ATAD5: variants seen among roughly 807,000 people sequenced by gnomAD.
ATAD5 encodes ATPase family AAA domain-containing protein 5.
A neutral mutation model predicts 176.9 loss-of-function variants in ATAD5; 58 were observed. The observed-to-expected ratio is 0.33, with a 90% confidence interval of 0.27 to 0.41. The LOEUF is 0.41. ATAD5 is among the 10% of genes least tolerant of loss of function. The pLI, the probability that ATAD5 is intolerant of heterozygous loss-of-function variation, is 1.00. For missense variants in ATAD5, 1,789 were observed against 2,094.1 expected, an observed-to-expected ratio of 0.85 and a Z score of 2.84; for synonymous variants, 640 against 712.6, an observed-to-expected ratio of 0.90 and a Z score of 1.62.
At chr17:30,851,713 G>T (rs1906983589) in intron 6 of ATAD5, among the ~76,000 whole-genome samples, 1 of 152,050 alleles carries the variant, frequency 6.6e-6, no homozygotes, top group Non-Finnish European at 1.5e-5. Context: ...CTCCCAAGTA[G>T]CTGGGATTAC....
At chr17:30,875,349 A>G (rs775187706) in intron 14 of ATAD5, among the ~76,000 whole-genome samples, 2 of 152,176 alleles carry the variant, frequency 1.3e-5, no homozygotes, top group Non-Finnish European at 2.9e-5. Flanking sequence ...ATTGGCTTGC[A>G]ATATTAATTT....
At chr17:30,890,145 T>A (rs568214416) in intron 19 of ATAD5, among the ~76,000 whole-genome samples, 74 of 152,128 alleles carry the variant, frequency 4.9e-4, no homozygotes, top group Middle Eastern at 3.4e-3. Context: ...CCTCTTGGGC[T>A]CCCAAAGTGC....
intron 18 of ATAD5, among the ~76,000 whole-genome samples, chr17:30,885,636 T>TTTG (rs1714000536): frequency 7.2e-6 from 1 of 138,100 alleles, no homozygotes; most frequent in African/African-American, 2.7e-5. Context: ...TTTTTTTTTT[T>TTTG]TTTTTTTTTT....
At chr17:30,833,381 T>TA (rs375286351) in intron 1 of ATAD5, among the ~76,000 whole-genome samples, 121 of 152,346 alleles carry the variant, frequency 7.9e-4, no homozygotes, top group African/African-American at 2.8e-3. Flanking sequence ...TAATGATACT[T>TA]ACCATTTAAT....
chr17:30,856,997 TAACTA>T lies in ATAD5; in HGVS notation c.2681_2685del (p.Thr894IlefsTer2). 6.2e-7 allele frequency: 1 copy of T among 1,606,126 alleles called. No individual in the cohort carries two copies. Among genetic ancestry groups the T allele is most frequent in the Non-Finnish European group, 8.5e-7 (1 of 1,178,310 alleles). On this transcript the variant is annotated frameshift_variant, in exon 8 of 23. Coordinates refer to ENST00000321990, the MANE Select transcript of ATAD5 (RefSeq NM_024857.5). LOFTEE classifies it high-confidence loss of function. ...TTGAAACCACCCTCTTGTCCTCTCTTAACTAAATTTAAAGAACTGAACACTAAAGT... is the reference window on the plus strand; with the variant it reads ...TTGAAACCACCCTCTTGTCCTCTCTTAATTTAAAGAACTGAACACTAAAGT...
intron 18 of ATAD5, among the ~76,000 whole-genome samples, chr17:30,883,086 C>T (rs1909116522): frequency 6.6e-6 from 1 of 151,618 alleles, no homozygotes; most frequent in Admixed American, 6.6e-5. Flanking sequence ...GGCTAGACCC[C>T]ATCTCTACTT....
At chr17:30,851,140 C>T (rs1324876868) in intron 6 of ATAD5, among the ~76,000 whole-genome samples, 24 of 146,262 alleles carry the variant, frequency 1.6e-4, no homozygotes, top group Admixed American at 9.5e-4. Context: ...CCACCTGCCT[C>T]GGCCTCCCAA....
At chr17:30,840,008 G>T (rs1315548133) in intron 3 of ATAD5, among the ~76,000 whole-genome samples, 2 of 151,922 alleles carry the variant, frequency 1.3e-5, no homozygotes, top group African/African-American at 4.8e-5. Flanking sequence ...AGACCAGCCT[G>T]GCCAACATGG....
Position 30,835,676 on chromosome 17 carries a change from C to A in ATAD5, c.1595C>A (p.Thr532Asn), listed in dbSNP as rs149140753. The A allele has an allele frequency of 1.5e-4, 237 of 1,606,546 alleles. No homozygotes were observed. Among genetic ancestry groups the A allele is most frequent in the Admixed American group, 1.3e-3 (75 of 58,132 alleles). ...AAAACAGAGTTTTTCAAAAGCAGCA[C>A]TTTATTTAACAATGAAAGTCTTGTT... ...QRKTEFFKSSTLFNNESLVYE... is the reference protein window; with the variant it reads ...QRKTEFFKSSNLFNNESLVYE... Residue 532 changes from threonine to asparagine, a missense_variant, in exon 2 of 23, where the codon ACT becomes AAT. Transcript: ENST00000321990.
intron 12 of ATAD5, 73 bp downstream of exon 12, chr17:30,868,485 T>C (rs1908129781): frequency 3.0e-6 from 3 of 984,872 alleles, no homozygotes; most frequent in African/African-American, 1.7e-5. Context: ...ACTAAAACTT[T>C]CTATAAAATT....
rs778830561 is a variant in ATAD5, at chr17:30,893,441, G to T, written c.4588G>T (p.Gly1530Cys). ...DTIPETKNFC[G>C]PSVTVDASAA... is the part of the protein sequence containing the mutation. ...CATTCCAGAAACTAAAAACTTTTGTGGCCCATCAGTAACTGTGGATGCCAG... is the reference window on the plus strand; with the variant it reads ...CATTCCAGAAACTAAAAACTTTTGTTGCCCATCAGTAACTGTGGATGCCAG... The change falls in exon 21 of 23, where the codon GGC becomes TGC. Residue 1530 changes from glycine (G) to cysteine (C), a missense_variant. By Grantham distance (159) the Gly-to-Cys change is radical. Transcript: ENST00000321990. 15 of 1,613,696 alleles carry T rather than the reference G, an allele frequency of 9.3e-6. No individual in the cohort carries two copies. The highest frequency in any genetic ancestry group is 1.3e-5 in the Non-Finnish European group (15 of 1,179,828).
chr17:30,878,986 C>T (rs1302304600), intron 17 of ATAD5, among the ~76,000 whole-genome samples: 2 of 152,048 alleles, frequency 1.3e-5, no homozygotes, highest in Admixed American at 1.3e-4. Context: ...CCTGCCTCGG[C>T]CTCCCAAAGT....
intron 18 of ATAD5, among the ~76,000 whole-genome samples, chr17:30,881,005 T>TA (rs1463826281): frequency 6.6e-6 from 1 of 152,032 alleles, no homozygotes; most frequent in African/African-American, 2.4e-5. Flanking sequence ...TTTTTTTTCT[T>TA]ACGATGATGA....
chr17:30,891,212 A>T (rs1285319319), intron 19 of ATAD5, among the ~76,000 whole-genome samples: 1 of 152,178 alleles, frequency 6.6e-6, no homozygotes, highest in Non-Finnish European at 1.5e-5. Context: ...TGCTCCCATG[A>T]ATAGTATATG....
chr17:30,839,049 C>G (rs1567678451), intron 3 of ATAD5, among the ~76,000 whole-genome samples: 1 of 151,482 alleles, frequency 6.6e-6, no homozygotes, highest in Non-Finnish European at 1.5e-5. Context: ...TGGTCTCGAA[C>G]TGCTAGCCTC....
intron 18 of ATAD5, among the ~76,000 whole-genome samples, chr17:30,885,495 A>G (rs1284041565): frequency 2.0e-5 from 3 of 152,112 alleles, no homozygotes; most frequent in African/African-American, 7.2e-5. Context: ...GTAACAATGG[A>G]TATCCTTAGC....
intron 19 of ATAD5, among the ~76,000 whole-genome samples, chr17:30,892,292 GC>G (rs1909680238): frequency 2.0e-5 from 3 of 151,878 alleles, no homozygotes; most frequent in African/African-American, 7.2e-5. Flanking sequence ...GGGTGTGGTA[GC>G]GCGTGCCTGT....
chr17:30,832,272 CGCCTCCATG>C lies in ATAD5; in HGVS notation c.-68_-60del. On this transcript the variant is annotated 5_prime_UTR_variant, in exon 1 of 23. An upstream start codon of the reference 5' UTR is lost. Coordinates refer to ENST00000321990, the MANE Select transcript of ATAD5 (RefSeq NM_024857.5). ...GCAGCTTGCTGCTACTGGAGCGGGC[CGCCTCCATG>C]GCCTCCAGGCAGGCCGGGCTGGACC... 1 of 1,326,230 alleles carries C rather than the reference CGCCTCCATG, an allele frequency of 7.5e-7. No individual in the cohort carries two copies. Among genetic ancestry groups the C allele is most frequent in the Non-Finnish European group, 9.8e-7 (1 of 1,015,244 alleles). 82.2% of individuals were successfully genotyped at this position (1,326,230 alleles called of 1,614,324 possible).
chr17:30,865,173 ATTT>A (rs1361518168), intron 10 of ATAD5, among the ~76,000 whole-genome samples: 2 of 133,990 alleles, frequency 1.5e-5, no homozygotes, highest in Non-Finnish European at 1.6e-5. Flanking sequence ...GTGCACTTTA[ATTT>A]TTTTTTTTTT....
Sources: allele counts gnomAD v4.1 joint callset (sites outside exome capture counted in the v4.1 genomes callset), GRCh38; gene constraint gnomAD v4.1.1; transcripts MANE v1.5; gene names NCBI Gene and HGNC (gene_info 2026-07-23, HGNC 2026-07-21).